The following WDSUB1 variants were observed in gnomAD, a reference collection of about 807,000 sequenced individuals.
The protein encoded by WDSUB1 is WD repeat, SAM and U-box domain-containing protein 1.
In WDSUB1, 49 loss-of-function variants were observed where a neutral mutation model predicts 53.9. That is an observed-to-expected ratio of 0.91 (90% CI 0.72 to 1.15). The LOEUF is 1.15. Among genes scored for constraint, WDSUB1 ranks in the 50% most tolerant of loss-of-function variants. The pLI, the probability that WDSUB1 is intolerant of heterozygous loss-of-function variation, is 0.00. For missense variants in WDSUB1, 514 were observed against 562.0 expected (o/e 0.91, Z 0.86); for synonymous variants, 194 against 200.6 (o/e 0.97, Z 0.28).
chr2:159,260,112 G>GA (rs2061157456), intron 5 of WDSUB1, among the ~76,000 whole-genome samples: 1 of 152,064 alleles, frequency 6.6e-6, no homozygotes, highest in Admixed American at 6.6e-5. Context: ...GACCAGCCTG[G>GA]CCAACATGGT....
At chr2:159,275,749 A>G in intron 3 of WDSUB1, 111 bp from the exon 4 acceptor site, 1 of 773,634 alleles carries the variant, frequency 1.3e-6, no homozygotes, top group Non-Finnish European at 2.0e-6. Context: ...AACCATGTTC[A>G]CAAGTTATTA....
chr2:159,268,177 T>G (rs2061381033), intron 5 of WDSUB1, among the ~76,000 whole-genome samples: 1 of 152,236 alleles, frequency 6.6e-6, no homozygotes, highest in Non-Finnish European at 1.5e-5. Flanking sequence ...GCAGTGTTAT[T>G]AGTTCATCAC....
At chr2:159,257,255 G>A (rs1462840493) in intron 8 of WDSUB1, among the ~76,000 whole-genome samples, 2 of 152,110 alleles carry the variant, frequency 1.3e-5, no homozygotes, top group African/African-American at 4.8e-5. Context: ...ATCCACCTCG[G>A]CCTCCCAAAG....
At chr2:159,253,587 TA>T (rs2060997919) in intron 9 of WDSUB1, among the ~76,000 whole-genome samples, 2 of 152,198 alleles carry the variant, frequency 1.3e-5, no homozygotes, top group Non-Finnish European at 2.9e-5. Context: ...ACTGTACAAT[TA>T]ATCAACTTCC....
intron 5 of WDSUB1, among the ~76,000 whole-genome samples, chr2:159,264,612 G>A (rs964934755): frequency 1.3e-5 from 2 of 152,136 alleles, no homozygotes; most frequent in African/African-American, 4.8e-5. Flanking sequence ...GGAGAGTGTG[G>A]GGCAAGCGCT....
chr2:159,279,707 C>T, intron 3 of WDSUB1, 54 bp downstream of exon 3: 2 of 1,505,932 alleles, frequency 1.3e-6, no homozygotes, highest in Non-Finnish European at 1.8e-6. Context: ...AAGTCATATA[C>T]AGCACAAATT....
At chr2:159,263,300 T>G (rs897851959) in intron 5 of WDSUB1, among the ~76,000 whole-genome samples, 1 of 152,260 alleles carries the variant, frequency 6.6e-6, no homozygotes, top group Non-Finnish European at 1.5e-5. Context: ...TATTTTAATT[T>G]TAAATGTATT....
chr2:159,251,351 G>C (rs2060948358), intron 9 of WDSUB1, among the ~76,000 whole-genome samples: 1 of 152,100 alleles, frequency 6.6e-6, no homozygotes, highest in South Asian at 2.1e-4. Context: ...TATTCTACAT[G>C]TGTGCTAATA....
intron 10 of WDSUB1, among the ~76,000 whole-genome samples, chr2:159,246,171 G>A (rs1026064027): frequency 1.2e-4 from 18 of 152,144 alleles, no homozygotes; most frequent in Admixed American, 7.9e-4. Flanking sequence ...AGTGGCTCAC[G>A]CCTGTAATCC....
In WDSUB1 at chr2:159,257,994, C is replaced by T. The variant is rs754702173; in HGVS notation, c.805-9G>A. On this transcript the variant is annotated splice_polypyrimidine_tract_variant and intron_variant, in intron 6 of 10. Transcript: ENST00000359774. Reference sequence around the variant, plus strand: ...AGTATATTCTCAGTATTCTGAAAAACAATAAAAACAGCTTTAAATTTACTC... The same window carrying T: ...AGTATATTCTCAGTATTCTGAAAAATAATAAAAACAGCTTTAAATTTACTC... The T allele has an allele frequency of 6.2e-6, 10 of 1,611,514 alleles. No homozygotes were observed. The East Asian group carries it at 1.8e-4, about 29-fold the overall frequency.
At chr2:159,257,710 T>C in intron 8 of WDSUB1, 48 bp downstream of exon 8, 1 of 1,529,042 alleles carries the variant, frequency 6.5e-7, no homozygotes, top group Non-Finnish European at 9.1e-7. Flanking sequence ...TTTCTGACCC[T>C]AATGGTGAGT....
chr2:159,240,960 G>A (rs534603225), intron 10 of WDSUB1, among the ~76,000 whole-genome samples: 55 of 152,330 alleles, frequency 3.6e-4, no homozygotes, highest in African/African-American at 1.3e-3. Flanking sequence ...AGCTGCAGGG[G>A]ATGAGAATGG....
chr2:159,261,899 T>A (rs1232259140), intron 5 of WDSUB1, among the ~76,000 whole-genome samples: 2 of 26,166 alleles, frequency 7.6e-5, no homozygotes, highest in East Asian at 5.2e-4. Flanking sequence ...TATATATATT[T>A]TTTTTTTTTT....
At chr2:159,286,455 T>C (rs901542733) in intron 1 of WDSUB1, 128 bp downstream of exon 1, 2 of 152,276 alleles carry the variant, frequency 1.3e-5, no homozygotes, top group Non-Finnish European at 2.9e-5. Flanking sequence ...AAGGTCCCGG[T>C]TGGGCCCTGC....
intron 9 of WDSUB1, among the ~76,000 whole-genome samples, chr2:159,252,887 G>A (rs1350854931): frequency 1.3e-5 from 2 of 152,208 alleles, no homozygotes; most frequent in African/African-American, 2.4e-5. Flanking sequence ...AAAAAATCTC[G>A]TTCCCAATTA....
At chr2:159,255,965 A>G (rs888237499) in intron 9 of WDSUB1, among the ~76,000 whole-genome samples, 3 of 152,286 alleles carry the variant, frequency 2.0e-5, no homozygotes, top group Middle Eastern at 3.4e-3. Flanking sequence ...TCTCCAAAGA[A>G]GATATATAAA....
chr2:159,240,808 C>CA (rs1473926957), intron 10 of WDSUB1, among the ~76,000 whole-genome samples: 2 of 152,114 alleles, frequency 1.3e-5, no homozygotes, highest in African/African-American at 4.8e-5. Context: ...TCTCCCTGTA[C>CA]ACGGGACTTC....
intron 5 of WDSUB1, among the ~76,000 whole-genome samples, chr2:159,261,453 G>C (rs1485368663): frequency 6.6e-6 from 1 of 152,152 alleles, no homozygotes; most frequent in Non-Finnish European, 1.5e-5. Flanking sequence ...AATACAGTGA[G>C]AAATAGTATT....
chr2:159,247,920 T>TATATAA lies in WDSUB1; in HGVS notation c.1273+451_1273+452insTTATAT, dbSNP rs1559532178. Among the ~76,000 whole-genome samples the TATATAA allele has an allele frequency of 2.0e-4, 15 of 76,020 alleles. 1 individual carries two copies. In the South Asian group the frequency reaches 7.6e-3, roughly 39 times the overall value. The allele number at this position is 76,020 out of a possible 152,430, so 49.9% of individuals were successfully genotyped here. The stretch of plus-strand genomic sequence containing the variant: ...ATATATATATATATAAATATATATA[T>TATATAA]ATATATAAATATATATATATATAAA... On this transcript the variant is annotated intron_variant, in intron 10 of 10. Coordinates refer to ENST00000359774, the MANE Select transcript of WDSUB1 (RefSeq NM_001128212.3).
Sources: allele counts gnomAD v4.1 joint callset (sites outside exome capture counted in the v4.1 genomes callset), GRCh38; gene constraint gnomAD v4.1.1; transcripts MANE v1.5; gene names NCBI Gene and HGNC (gene_info 2026-07-23, HGNC 2026-07-21).